Variants in AGTPBP1 observed in about 807,000 individuals in gnomAD.
AGTPBP1 encodes the protein ATP/GTP binding carboxypeptidase 1.
In AGTPBP1, 70 loss-of-function variants were observed where a neutral mutation model predicts 143.9. The observed-to-expected ratio is 0.49, with a 90% CI of 0.40 to 0.59. The LOEUF (loss-of-function observed/expected upper bound fraction) is 0.59, where lower values mean the gene tolerates loss of function less well. AGTPBP1 is among the 20% of genes least tolerant of loss of function. AGTPBP1 has a pLI of 0.00. For synonymous variants in AGTPBP1, 463 were observed against 500.2 expected (o/e 0.93, Z 0.99); for missense variants, 1,229 against 1,464.5 (o/e 0.84, Z 2.62).
At chr9:85,771,964 T>C in the AGTPBP1 span, among the ~76,000 whole-genome samples, 5 of 141,684 alleles carry the variant, frequency 3.5e-5, no homozygotes, top group African/African-American at 5.3e-5. Flanking sequence ...CAGCCTGATA[T>C]AGATAACTCT....
rs941432502 is a variant in AGTPBP1, at chr9:85,565,831, C to T, written c.3503+9484G>A. On this transcript the variant is annotated intron_variant, in intron 25 of 25. Coordinates refer to ENST00000357081, the MANE Select transcript of AGTPBP1 (RefSeq NM_001330701.2). ...CGTCTCAAATGTAAATGATTCCAAA[C>T]ACCTTCCTTAAGAATTTTTTTGCCT... 2.6e-5 allele frequency among the ~76,000 whole-genome samples: 4 copies of T among 152,314 alleles called. No individual in the cohort carries two copies. In the South Asian group the frequency reaches 6.2e-4, roughly 24 times the overall value.
chr9:85,615,572 G>C (rs923193180), intron 17 of AGTPBP1, among the ~76,000 whole-genome samples: 56 of 151,982 alleles, frequency 3.7e-4, no homozygotes, highest in African/African-American at 1.3e-3. Context: ...TGTTACACAT[G>C]AGCTTTCATA....
chr9:85,726,826 G>A (rs1336019090), intron 1 of AGTPBP1, among the ~76,000 whole-genome samples: 3 of 152,248 alleles, frequency 2.0e-5, no homozygotes, highest in South Asian at 2.1e-4. Context: ...GACTGAGGCA[G>A]CAAGTTACAT....
intron 25 of AGTPBP1, among the ~76,000 whole-genome samples, chr9:85,570,560 T>C (rs1827392518): frequency 6.6e-6 from 1 of 152,226 alleles, no homozygotes; most frequent in South Asian, 2.1e-4. Context: ...ACTGTTATTT[T>C]TGTACTCTTT....
intron 1 of AGTPBP1, among the ~76,000 whole-genome samples, chr9:85,738,166 A>G (rs13293910): frequency 0.032 from 4,843 of 152,338 alleles, 102 homozygotes; most frequent in African/African-American, 0.053. Context: ...CTTTTCATTT[A>G]CAATACAGTA....
At chr9:85,644,677 G>A (rs1034195539) in intron 12 of AGTPBP1, among the ~76,000 whole-genome samples, 1 of 152,104 alleles carries the variant, frequency 6.6e-6, no homozygotes, top group African/African-American at 2.4e-5. Flanking sequence ...TGGCTAGCTG[G>A]AGATGAATCT....
chr9:85,759,766 A>G, the AGTPBP1 span, among the ~76,000 whole-genome samples: 1 of 152,216 alleles, frequency 6.6e-6, no homozygotes, highest in Non-Finnish European at 1.5e-5. Flanking sequence ...AGAAATAACT[A>G]AGATCAGAGC....
At chr9:85,682,653 G>A (rs966072244) in intron 3 of AGTPBP1, among the ~76,000 whole-genome samples, 5 of 152,126 alleles carry the variant, frequency 3.3e-5, no homozygotes, top group African/African-American at 1.2e-4. Context: ...CCACAATGAA[G>A]TTCAAAGGAC....
At chr9:85,754,512 T>C in the AGTPBP1 span, among the ~76,000 whole-genome samples, 1 of 152,186 alleles carries the variant, frequency 6.6e-6, no homozygotes, top group Non-Finnish European at 1.5e-5. Context: ...AAATCAGAAC[T>C]CTACATTCAA....
At chr9:85,727,753 A>G (rs1293706057) in intron 1 of AGTPBP1, among the ~76,000 whole-genome samples, 1 of 152,116 alleles carries the variant, frequency 6.6e-6, no homozygotes, top group Admixed American at 6.6e-5. Context: ...GTTGATTCAC[A>G]CTTGTAATCC....
intron 11 of AGTPBP1, among the ~76,000 whole-genome samples, chr9:85,650,005 A>G (rs112531765): frequency 1.1e-4 from 14 of 130,080 alleles, no homozygotes; most frequent in African/African-American, 4.0e-4. Context: ...ATCTTACCAG[A>G]TTGTGTTTTC....
chr9:85,564,786 T>C (rs1253893787), intron 25 of AGTPBP1, among the ~76,000 whole-genome samples: 10 of 152,248 alleles, frequency 6.6e-5, no homozygotes, highest in Non-Finnish European at 5.9e-5. Flanking sequence ...AATGTATTCC[T>C]ATTGTTAAAC....
At chr9:85,781,099 G>A in the AGTPBP1 span, 285 of 1,374,034 alleles carry the variant, frequency 2.1e-4, no homozygotes, top group South Asian at 4.1e-4. Flanking sequence ...TAGCCTGGGC[G>A]ACAGTGCAAG....
chr9:85,626,961 G>A (rs1348257479), intron 14 of AGTPBP1, among the ~76,000 whole-genome samples: 1 of 152,122 alleles, frequency 6.6e-6, no homozygotes, highest in African/African-American at 2.4e-5. Flanking sequence ...GATTTGGGAT[G>A]GATTTGGCAC....
At chr9:85,661,002 A>G (rs751811159) in intron 8 of AGTPBP1, 29 bp from the exon 9 acceptor site, 1 of 1,572,508 alleles carries the variant, frequency 6.4e-7, no homozygotes, top group Non-Finnish European at 8.6e-7. Context: ...AACACAAACA[A>G]CAACAAAACT....
intron 7 of AGTPBP1, 59 bp from the exon 8 acceptor site, chr9:85,669,637 A>G (rs1834357751): frequency 2.8e-6 from 3 of 1,082,892 alleles, no homozygotes; most frequent in East Asian, 4.8e-5. Flanking sequence ...AAAAATGTGT[A>G]TACTTAGTGA....
intron 3 of AGTPBP1, among the ~76,000 whole-genome samples, chr9:85,683,812 C>A (rs943035702): frequency 7.2e-5 from 11 of 152,082 alleles, no homozygotes; most frequent in African/African-American, 2.7e-4. Context: ...TTCATCTTTC[C>A]TTTATAAAGA....
At chr9:85,718,497 C>T (rs1002845783) in intron 1 of AGTPBP1, among the ~76,000 whole-genome samples, 1 of 152,106 alleles carries the variant, frequency 6.6e-6, no homozygotes, top group Non-Finnish European at 1.5e-5. Context: ...ATATCCTTTG[C>T]CCACTTTTTG....
intron 14 of AGTPBP1, among the ~76,000 whole-genome samples, chr9:85,628,607 G>A (rs565731802): frequency 6.6e-6 from 1 of 152,292 alleles, no homozygotes; most frequent in South Asian, 2.1e-4. Context: ...GAGAGACGTG[G>A]ATCACTCGAT....
Sources: allele counts gnomAD v4.1 joint callset (sites outside exome capture counted in the v4.1 genomes callset), GRCh38; gene constraint gnomAD v4.1.1; transcripts MANE v1.5; gene names NCBI Gene and HGNC (gene_info 2026-07-23, HGNC 2026-07-21).